The following LSS variants were observed in gnomAD, a reference collection of about 807,000 sequenced individuals.
LSS encodes lanosterol synthase, also known as 2,3-epoxysqualene-lanosterol cyclase.
In LSS, 90 loss-of-function variants were observed where a neutral mutation model predicts 110.3. The observed-to-expected ratio is 0.82, with a 90% CI of 0.69 to 0.97. The LOEUF (loss-of-function observed/expected upper bound fraction) is 0.97, where lower values mean the gene tolerates loss of function less well. Ranked by LOEUF, LSS falls within the 50% of genes least tolerant of loss-of-function variation. The probability of loss-of-function intolerance (pLI) is 0.00; values close to 1 mark genes in which losing one functional copy is unlikely to be tolerated. For synonymous variants in LSS, 433 were observed against 400.0 expected, an observed-to-expected ratio of 1.08 and a Z score of -0.98; for missense variants, 927 against 990.0, an observed-to-expected ratio of 0.94 and a Z score of 0.85.
chr21:46,227,365 G>T, intron 3 of LSS, 187 bp downstream of exon 3: 2 of 654,808 alleles, frequency 3.1e-6, no homozygotes, highest in Non-Finnish European at 2.5e-6. Flanking sequence ...ACCCTACACT[G>T]GCAAGGCTAG....
intron 3 of LSS, chr21:46,224,828 C>A (rs1569037683): frequency 7.0e-6 from 1 of 143,410 alleles, no homozygotes; most frequent in Non-Finnish European, 1.5e-5. Context: ...AGCTCCAACT[C>A]AGCCAGGTGC....
At chr21:46,204,926 A>G (rs925496085) in intron 17 of LSS, among the ~76,000 whole-genome samples, 1 of 152,204 alleles carries the variant, frequency 6.6e-6, no homozygotes, top group Non-Finnish European at 1.5e-5. Flanking sequence ...ATATTCTTCA[A>G]ATTGAATCTA....
rs906604061 is a variant in LSS at position 46,215,259 on chromosome 21, A to G, written c.932T>C (p.Leu311Pro). 1.9e-6 allele frequency: 3 copies of G among 1,610,842 alleles called. No homozygotes were observed. Among genetic ancestry groups the G allele is most frequent in the Non-Finnish European group, 2.5e-6 (3 of 1,179,842 alleles). Residue 311 changes from leucine (L) to proline (P), a missense_variant, in exon 9 of 22, where the codon CTG (leucine) becomes CCG (proline). Leu to Pro is a moderately conservative substitution (Grantham distance 98). Coordinates refer to ENST00000397728, the MANE Select transcript of LSS (RefSeq NM_002340.6). ...CAGCTTCTGCACGGCCCGCTGCCGC[A>G]GGTGGGCACTGTGGTGGTGCTCATA... is the stretch of plus-strand genomic sequence containing the variant. ...NLYEHHHSAH[L>P]RQRAVQKLYE... is the part of the protein sequence containing the mutation.
rs951922760 is a variant in LSS at position 46,209,269 on chromosome 21, G to A, written c.1266+285C>T. Reference sequence around the variant, plus strand: ...AGCTCAGGGTACACAGCCCCTGCCCGTGCCTGGCCCTTGCACACAGTGGCT... The same window carrying A: ...AGCTCAGGGTACACAGCCCCTGCCCATGCCTGGCCCTTGCACACAGTGGCT... On this transcript the variant is annotated intron_variant, in intron 13 of 21. Coordinates refer to ENST00000397728, the MANE Select transcript of LSS (RefSeq NM_002340.6). This position sits in a 1 kb window ranked among gnomAD's most constrained non-coding sequence, Gnocchi z 4.4. Among the ~76,000 whole-genome samples the A allele has an allele frequency of 3.3e-5, 5 of 152,268 alleles. No homozygotes were observed. The highest frequency in any genetic ancestry group is 4.1e-4 in the South Asian group (2 of 4,828).
intron 3 of LSS, among the ~76,000 whole-genome samples, chr21:46,224,208 G>A (rs1243562033): frequency 3.3e-5 from 5 of 152,266 alleles, no homozygotes; most frequent in Middle Eastern, 3.4e-3. Context: ...TCTCTGCCTC[G>A]GCTGCCAGGC....
chr21:46,222,215 A>T lies in LSS; in HGVS notation c.429-240T>A, dbSNP rs2080287903. ...TGACCCGCCTGCTCTACACCTTCCCACGCCTGAGTCAACACTTCTAGCTCA... is the reference window on the plus strand; with the variant it reads ...TGACCCGCCTGCTCTACACCTTCCCTCGCCTGAGTCAACACTTCTAGCTCA... On this transcript the variant is annotated intron_variant, in intron 4 of 21. Coordinates refer to ENST00000397728, the MANE Select transcript of LSS (RefSeq NM_002340.6). 3 of 559,928 alleles carry T rather than the reference A, an allele frequency of 5.4e-6. No homozygotes were observed. The East Asian group carries it at 9.1e-5, about 17-fold the overall frequency. 34.7% of individuals were successfully genotyped at this position (559,928 alleles called of 1,614,324 possible). A position where few individuals can be genotyped will look rare whatever the true frequency, so the allele number is the denominator to read the frequency against.
rs769935595 is a variant in LSS, at chr21:46,191,079, C to T, written c.*25G>A. 5.5e-5 allele frequency: 88 copies of T among 1,613,404 alleles called. No homozygotes were observed. In the Admixed American group the frequency reaches 6.5e-4, roughly 12 times the overall value. The stretch of plus-strand genomic sequence containing the variant: ...CCTTGGCCTCACTGGAACGCACAGA[C>T]GGCACCCAGCAGGTAGGCATGTTCT... On this transcript the variant is annotated 3_prime_UTR_variant, in exon 22 of 22. Transcript: ENST00000397728.
intron 17 of LSS, among the ~76,000 whole-genome samples, chr21:46,202,776 C>T (rs1482342723): frequency 1.3e-5 from 2 of 152,138 alleles, no homozygotes; most frequent in Non-Finnish European, 2.9e-5. Flanking sequence ...ACTCAGGAGG[C>T]TGAGGTGGGA....
chr21:46,197,871 A>G (rs1213110344), intron 17 of LSS, among the ~76,000 whole-genome samples: 1 of 151,730 alleles, frequency 6.6e-6, no homozygotes, highest in Admixed American at 6.6e-5. Context: ...CCTGGGAGAC[A>G]GAGACTCTGT....
In LSS at chr21:46,194,062, G is replaced by A. The variant is rs555538538; in HGVS notation, c.1988+429C>T. On this transcript the variant is annotated intron_variant, in intron 20 of 21. Transcript: ENST00000397728. ...TGTACACTGATGCCTGCCTGCATGCGTCTGCGTGTGTGTGCACCTGGCACA... is the reference window on the plus strand; with the variant it reads ...TGTACACTGATGCCTGCCTGCATGCATCTGCGTGTGTGTGCACCTGGCACA... 3.9e-5 allele frequency among the ~76,000 whole-genome samples: 6 copies of A among 152,248 alleles called. No individual in the cohort carries two copies. In the South Asian group the frequency reaches 8.3e-4, roughly 21 times the overall value.
intron 17 of LSS, among the ~76,000 whole-genome samples, chr21:46,204,878 G>A (rs1263900055): frequency 3.9e-5 from 6 of 152,102 alleles, no homozygotes; most frequent in African/African-American, 1.4e-4. Context: ...TTATAGACCA[G>A]CGTCTCTTGT....
chr21:46,215,373 G>A (rs977813222), intron 8 of LSS, 75 bp from the exon 9 acceptor site: 24 of 1,019,180 alleles, frequency 2.4e-5, no homozygotes, highest in African/African-American at 2.3e-4. Context: ...GCACTGCAAC[G>A]CCTGGACTTG....
chr21:46,212,982 T>C (rs974311625), intron 11 of LSS, 43 bp downstream of exon 11: 4 of 1,612,444 alleles, frequency 2.5e-6, no homozygotes, highest in African/African-American at 1.3e-5. Context: ...AGGGGAGACA[T>C]GATTGCAAAG....
intron 17 of LSS, among the ~76,000 whole-genome samples, chr21:46,199,638 A>C (rs1325788081): frequency 6.6e-6 from 1 of 152,252 alleles, no homozygotes; most frequent in Non-Finnish European, 1.5e-5. Context: ...ACTGTGGTAC[A>C]TCCAGACAAT....
chr21:46,222,765 C>T (rs542734698), intron 3 of LSS, 27 bp from the exon 4 acceptor site: 41 of 1,570,856 alleles, frequency 2.6e-5, no homozygotes, highest in Admixed American at 1.7e-5. Flanking sequence ...ATGTTCCTCA[C>T]TGGGGACAGG....
intron 3 of LSS, among the ~76,000 whole-genome samples, chr21:46,226,907 C>A (rs2080347927): frequency 6.6e-6 from 1 of 152,190 alleles, no homozygotes; most frequent in Non-Finnish European, 1.5e-5. Context: ...AGAGTTATCA[C>A]AGAAACAAAA....
At position 46,189,846 on chromosome 21, in the gene LSS, G is replaced by T. The variant is rs2061989189; in HGVS notation, c.*1258C>A. The T allele has an allele frequency of 5.1e-6, 2 of 394,642 alleles. No homozygotes were observed. Among genetic ancestry groups the T allele is most frequent in the African/African-American group, 2.6e-5 (1 of 37,864 alleles). 24.4% of individuals were successfully genotyped at this position (394,642 alleles called of 1,614,324 possible). A position where few individuals can be genotyped will look rare whatever the true frequency, so the allele number is the denominator to read the frequency against. On this transcript the variant is annotated 3_prime_UTR_variant, in exon 22 of 22. Transcript: ENST00000397728. ...TCCTCCCAGTAGCCAGGGGAGAGCA[G>T]TGACAGTCTCAGGTGGCCCTGAGCA...
chr21:46,203,974 T>A (rs903892505), intron 17 of LSS, among the ~76,000 whole-genome samples: 6 of 152,158 alleles, frequency 3.9e-5, no homozygotes, highest in Admixed American at 3.9e-4. Context: ...TATCTAAGTA[T>A]TCAAGTTAGA....
rs775821230 is a variant in LSS, at chr21:46,206,687, G to A, written c.1549C>T (p.Pro517Ser). The change falls in exon 16 of 22, where the codon CCC becomes TCC. Residue 517 changes from proline to serine, a missense_variant. Pro to Ser is a moderately conservative substitution (Grantham distance 74, BLOSUM62 -1). Transcript: ENST00000397728. ...RGGHLLELLNPSEVFGDIMID... is the reference protein window; with the variant it reads ...RGGHLLELLNSSEVFGDIMID... ...GACCACTCACCGAAGACCTCCGAGG[G>A]GTTCAGCAGCTCCAGCAAGTGCCCC... 5.6e-6 allele frequency: 9 copies of A among 1,612,558 alleles called. No homozygotes were observed. Among genetic ancestry groups the A allele is most frequent in the Non-Finnish European group, 7.6e-6 (9 of 1,179,952 alleles).
Sources: allele counts gnomAD v4.1 joint callset (sites outside exome capture counted in the v4.1 genomes callset), GRCh38; gene constraint gnomAD v4.1.1; non-coding constraint Gnocchi (gnomAD v3.1); transcripts MANE v1.5; gene names NCBI Gene and HGNC (gene_info 2026-07-23, HGNC 2026-07-21).